CELF6: variants seen among roughly 807,000 people sequenced by gnomAD.
CELF6 encodes the protein CUGBP Elav-like family member 6, also known as Bruno -like 6, RNA binding protein.
In CELF6, 32 loss-of-function variants were observed where a neutral mutation model predicts 53.1. That is an observed-to-expected ratio of 0.60 (90% confidence interval 0.46 to 0.81). The LOEUF (loss-of-function observed/expected upper bound fraction) is 0.81, where lower values mean the gene tolerates loss of function less well. Ranked by LOEUF, CELF6 falls within the 30% of genes least tolerant of loss-of-function variation. The pLI is 0.00. For synonymous variants in CELF6, 291 were observed against 288.8 expected (o/e 1.01, Z -0.08); for missense variants, 539 against 669.5 (o/e 0.81, Z 2.15).
Position 72,289,560 on chromosome 15 carries a change from C to T in CELF6, c.748-53G>A, listed in dbSNP as rs1037927116. On this transcript the variant is annotated intron_variant, in intron 6 of 12. Transcript: ENST00000287202. This position sits in a 1 kb window ranked among gnomAD's most constrained non-coding sequence, Gnocchi z 7.6. ...GAGGGCCAAGGGGCAGGCAGCTGCC[C>T]GTGCTCTCAGCCCCAGGCCTGGCCC... The T allele has an allele frequency of 5.2e-5, 77 of 1,482,168 alleles. No individual in the cohort carries two copies. Among genetic ancestry groups the T allele is most frequent in the Non-Finnish European group, 6.1e-5 (68 of 1,121,602 alleles). The allele number at this position is 1,482,168 out of a possible 1,614,324, so 91.8% of individuals were successfully genotyped here. A position where few individuals can be genotyped will look rare whatever the true frequency, so the allele number is the denominator to read the frequency against.
At position 72,294,204 on chromosome 15, in the gene CELF6, G is replaced by C. The variant is rs549203876; in HGVS notation, c.395-3949C>G. Among the ~76,000 whole-genome samples, 4 of 152,294 alleles carry C rather than the reference G, an allele frequency of 2.6e-5. No homozygotes were observed. The South Asian group carries it at 8.3e-4, about 32-fold the overall frequency. ...TTCAAGGAAGGAGCGTCTGCCTCAT[G>C]TTGCTCCAAAGAAATTCCTAAGTTG... On this transcript the variant is annotated intron_variant, in intron 3 of 12. Coordinates refer to ENST00000287202, the MANE Select transcript of CELF6 (RefSeq NM_052840.5).
chr15:72,292,127 G>A (rs2088014019), intron 3 of CELF6: 8 of 1,061,014 alleles, frequency 7.5e-6, no homozygotes, highest in Non-Finnish European at 1.1e-5. Context: ...GAGGGGTGGA[G>A]TTCATCTTGC....
intron 2 of CELF6, among the ~76,000 whole-genome samples, chr15:72,311,413 T>C (rs1475286092): frequency 6.6e-6 from 1 of 151,142 alleles, no homozygotes; most frequent in African/African-American, 2.4e-5. Flanking sequence ...TTCTTTTTTT[T>C]TTTTTTTGAG....
intron 2 of CELF6, among the ~76,000 whole-genome samples, chr15:72,314,687 C>T (rs921432480): frequency 4.0e-5 from 6 of 151,050 alleles, no homozygotes; most frequent in African/African-American, 1.5e-4. Context: ...CTCTGCCTCC[C>T]AGGTTCAAGT....
At chr15:72,292,237 G>A in intron 3 of CELF6, 1 of 1,535,526 alleles carries the variant, frequency 6.5e-7, no homozygotes, top group South Asian at 1.2e-5. Context: ...TTGTTTGAGG[G>A]GGGATCTGAG....
At position 72,290,133 on chromosome 15, in the gene CELF6, T is replaced by G. The variant is rs2087986524; in HGVS notation, c.517A>C (p.Ser173Arg). ...CTVLRSPDGT[S>R]KGCAFVKFGS... ...CGGGGTCAGCTCAGGTCACCTTTAC[T>G]GGTGCCGTCAGGACTCCGCAGGACC... is the stretch of plus-strand genomic sequence containing the variant. Residue 173 changes from serine (S) to arginine (R), a missense_variant, in exon 4 of 13, where the codon AGT becomes CGT. By Grantham distance (110) the Ser-to-Arg change is moderately radical. Coordinates refer to ENST00000287202, the MANE Select transcript of CELF6 (RefSeq NM_052840.5). 1.2e-6 allele frequency: 2 copies of G among 1,613,918 alleles called. No homozygotes were observed. Among genetic ancestry groups the G allele is most frequent in the African/African-American group, 1.3e-5 (1 of 75,030 alleles).
At chr15:72,287,486 G>A (rs1201762785) in intron 11 of CELF6, 94 bp from the exon 12 acceptor site, 9 of 1,457,092 alleles carry the variant, frequency 6.2e-6, no homozygotes, top group African/African-American at 1.4e-5. Context: ...GCCCCGTCAG[G>A]CCAGTTCCAT....
At position 72,289,633 on chromosome 15, in the gene CELF6, G is replaced by A. The variant is rs2087976584; in HGVS notation, c.741C>T (p.Thr247=). The A allele has an allele frequency of 4.0e-6, 6 of 1,503,260 alleles. No individual in the cohort carries two copies. The East Asian group carries it at 1.5e-4, about 39-fold the overall frequency. 93.1% of individuals were successfully genotyped at this position (1,503,260 alleles called of 1,614,324 possible). Residue 247 remains threonine (T), a synonymous_variant, in exon 6 of 13, where the codon ACC becomes ACT. Coordinates refer to ENST00000287202, the MANE Select transcript of CELF6 (RefSeq NM_052840.5). The surrounding 1 kb of genome is among the most constrained non-coding windows in gnomAD (Gnocchi z 7.6). The part of the protein sequence containing the change: ...PLPLGACGAY[T]TAILQHQAAL... ...GCAGGTGCCCGGTACCTACCGCCGT[G>A]GTGTAGGCGCCGCAGGCCCCTAGCG...
In CELF6 at chr15:72,315,826, C is replaced by A. The variant is rs765088411; in HGVS notation, c.345+19G>T. 23 of 1,563,516 alleles carry A rather than the reference C, an allele frequency of 1.5e-5. No individual in the cohort carries two copies. The highest frequency in any genetic ancestry group is 1.9e-5 in the Non-Finnish European group (22 of 1,148,416). Reference sequence around the variant, plus strand: ...CCCCAGCCTGAGGTGATTCCCACCCCCCAACCTGGAGGACTTACCCCTGGC... The same window carrying A: ...CCCCAGCCTGAGGTGATTCCCACCCACCAACCTGGAGGACTTACCCCTGGC... On this transcript the variant is annotated intron_variant, in intron 2 of 12. Coordinates refer to ENST00000287202, the MANE Select transcript of CELF6 (RefSeq NM_052840.5).
intron 2 of CELF6, among the ~76,000 whole-genome samples, chr15:72,315,399 A>C (rs1334084238): frequency 6.6e-6 from 1 of 152,144 alleles, no homozygotes; most frequent in Admixed American, 6.6e-5. Context: ...AATCTTAGTG[A>C]GTCAAGGCAC....
intron 3 of CELF6, among the ~76,000 whole-genome samples, chr15:72,292,471 C>T (rs1269996282): frequency 2.0e-5 from 3 of 152,162 alleles, no homozygotes; most frequent in African/African-American, 7.2e-5. Flanking sequence ...TTCACAATGC[C>T]CTAATTTGTA....
intron 2 of CELF6, among the ~76,000 whole-genome samples, chr15:72,309,961 G>A (rs1390320525): frequency 6.6e-6 from 1 of 152,176 alleles, no homozygotes; most frequent in Non-Finnish European, 1.5e-5. Flanking sequence ...ACCTATTCCA[G>A]GCAATGGAGT....
chr15:72,303,250 T>C (rs1189031841), intron 3 of CELF6, among the ~76,000 whole-genome samples: 2 of 152,128 alleles, frequency 1.3e-5, no homozygotes, highest in Non-Finnish European at 1.5e-5. Flanking sequence ...TACATGAACA[T>C]GAAGTTTTGC....
chr15:72,299,184 C>A (rs765674856), intron 3 of CELF6, among the ~76,000 whole-genome samples: 4 of 149,330 alleles, frequency 2.7e-5, no homozygotes, highest in Non-Finnish European at 5.9e-5. Flanking sequence ...TGCAGTGAGC[C>A]GAGATCATGC....
rs778241639 is a variant in CELF6, at chr15:72,289,389, A to G, written c.866T>C (p.Leu289Pro). The change falls in exon 7 of 13, where the codon CTG becomes CCG. Residue 289 changes from leucine (L) to proline (P), a missense_variant. By Grantham distance (98) the Leu-to-Pro change is moderately conservative. Around this residue, in one of 3 missense-constraint regions of CELF6, gnomAD observed 358 missense variants for 412.8 expected, o/e 0.87. Transcript: ENST00000287202. This position sits in a 1 kb window ranked among gnomAD's most constrained non-coding sequence, Gnocchi z 7.6. The stretch of plus-strand genomic sequence containing the variant: ...GGGGGCCGTACCTGCCGCGGGCAAC[A>G]GAGGCGCAGCTACCAGGCTAAAGGC... ...VAAFSLVAAP[L>P]LPAAAANSPP... 5.8e-6 allele frequency: 9 copies of G among 1,554,992 alleles called. No homozygotes were observed. Among genetic ancestry groups the G allele is most frequent in the South Asian group, 1.2e-5 (1 of 85,580 alleles).
At chr15:72,314,589 G>GTTTTTTTT (rs984879836) in intron 2 of CELF6, among the ~76,000 whole-genome samples, 8 of 97,854 alleles carry the variant, frequency 8.2e-5, no homozygotes, top group African/African-American at 1.4e-4. Context: ...AAAACCCAGT[G>GTTTTTTTT]TTTTTTTTTT....
In CELF6 at chr15:72,288,838, TC is replaced by T. The variant is rs1385405470; in HGVS notation, c.1093+29del. On this transcript the variant is annotated intron_variant, in intron 9 of 12. Transcript: ENST00000287202. The surrounding 1 kb of genome is among the most constrained non-coding windows in gnomAD (Gnocchi z 4.6). ...TATTTCTTTCTAGGGCCCTTCAACC[TC>T]CCCCAGGCCGCGTAGCGCCAAGTGA... 3 of 1,544,074 alleles carry T rather than the reference TC, an allele frequency of 1.9e-6. No individual in the cohort carries two copies. The African/African-American group carries it at 4.1e-5, about 21-fold the overall frequency.
At chr15:72,299,842 A>G (rs1303043440) in intron 3 of CELF6, among the ~76,000 whole-genome samples, 1 of 152,196 alleles carries the variant, frequency 6.6e-6, no homozygotes, top group Non-Finnish European at 1.5e-5. Flanking sequence ...TACAGAATTT[A>G]TGCAAACTCA....
At chr15:72,316,523 C>T (rs1203659821) in intron 1 of CELF6, among the ~76,000 whole-genome samples, 3 of 152,112 alleles carry the variant, frequency 2.0e-5, no homozygotes, top group African/African-American at 4.8e-5. Context: ...TTTCCAGGGA[C>T]CCCCTAATCC....
Sources: gnomAD v4.1 joint callset for allele counts (sites outside exome capture counted in the v4.1 genomes callset) on GRCh38, gnomAD v4.1.1 for gene constraint, gnomAD v4.1.1 regional missense constraint, Gnocchi (gnomAD v3.1) non-coding constraint, MANE v1.5 for transcripts, NCBI Gene and HGNC (gene_info 2026-07-23, HGNC 2026-07-21) for gene names.